ECD: variants seen among roughly 807,000 people sequenced by gnomAD.
ECD encodes protein ecdysoneless homolog.
Under a neutral mutation model 77.2 loss-of-function variants are expected in ECD, and 59 were observed. The ratio of observed to expected loss-of-function variants is 0.76; its 90% CI spans 0.62 to 0.95. ECD has a LOEUF of 0.95. ECD is among the 40% of genes least tolerant of loss of function. The pLI is 0.00. For synonymous variants in ECD, 233 were observed against 267.4 expected, an observed-to-expected ratio of 0.87 and a Z score of 1.26; for missense variants, 704 against 763.4, an observed-to-expected ratio of 0.92 and a Z score of 0.92.
At chr10:73,162,072 T>C (rs1843387682) in intron 2 of ECD, among the ~76,000 whole-genome samples, 1 of 152,232 alleles carries the variant, frequency 6.6e-6, no homozygotes. Flanking sequence ...TTTTTGTCTA[T>C]ATTAGACTTT....
chr10:73,155,617 G>C, intron 5 of ECD, among the ~76,000 whole-genome samples: 1 of 45,656 alleles, frequency 2.2e-5, no homozygotes, highest in Admixed American at 2.8e-4. Flanking sequence ...TTTTTTTTTT[G>C]AGATGGAGTT....
At chr10:73,139,284 A>ATATT in intron 11 of ECD, 25 bp downstream of exon 11, 1 of 1,567,814 alleles carries the variant, frequency 6.4e-7, no homozygotes, top group Non-Finnish European at 8.6e-7. Context: ...AGCTATTTAT[A>ATATT]TATTTATACT....
chr10:73,161,156 C>T (rs1589122117), intron 2 of ECD, among the ~76,000 whole-genome samples: 1 of 146,800 alleles, frequency 6.8e-6, no homozygotes, highest in Admixed American at 6.7e-5. Flanking sequence ...AATCAACAAC[C>T]TATACCTCAA....
At chr10:73,139,608 C>T (rs200280694) in intron 10 of ECD, 23 bp downstream of exon 10, 75 of 1,590,436 alleles carry the variant, frequency 4.7e-5, no homozygotes, top group Admixed American at 2.2e-4. Flanking sequence ...AACCCTTCCA[C>T]TGTATCCTGG....
At chr10:73,139,216 C>CA (rs60066016) in intron 11 of ECD, 93 bp downstream of exon 11, 145,610 of 1,044,976 alleles carry the variant, frequency 0.14, 14 homozygotes, top group Non-Finnish European at 0.16. Flanking sequence ...CTCATTTACT[C>CA]AAAAAAAAAA....
intron 5 of ECD, among the ~76,000 whole-genome samples, chr10:73,154,913 G>A (rs762334972): frequency 7.2e-5 from 11 of 151,794 alleles, no homozygotes; most frequent in Non-Finnish European, 1.3e-4. Flanking sequence ...CAGCCTGGGC[G>A]ACAAGAGCAA....
At chr10:73,135,341 C>T (rs1199466196) in intron 13 of ECD, among the ~76,000 whole-genome samples, 1 of 152,172 alleles carries the variant, frequency 6.6e-6, no homozygotes, top group Non-Finnish European at 1.5e-5. Flanking sequence ...TGAAAGATTA[C>T]AGCTCGATAG....
At chr10:73,147,562 AAT>A (rs1843146130) in intron 8 of ECD, among the ~76,000 whole-genome samples, 1 of 152,132 alleles carries the variant, frequency 6.6e-6, no homozygotes, top group Non-Finnish European at 1.5e-5. Context: ...AAAAAAAAAA[AAT>A]ACCATATATA....
intron 3 of ECD, among the ~76,000 whole-genome samples, chr10:73,158,649 T>C (rs1417850760): frequency 6.6e-6 from 1 of 151,988 alleles, no homozygotes; most frequent in Non-Finnish European, 1.5e-5. Context: ...GGTAAGAGAA[T>C]TGCTTGAGCC....
chr10:73,157,869 T>C (rs891847953), intron 3 of ECD, among the ~76,000 whole-genome samples: 3 of 152,044 alleles, frequency 2.0e-5, no homozygotes, highest in African/African-American at 4.8e-5. Context: ...ATACTTGTAT[T>C]TTCTCCCTTT....
rs1444313617 is a variant in ECD at position 73,152,424 on chromosome 10, G to A, written c.784-3C>T. ...TATAGACATTTAGTGAATGTGACCT[G>A]GGCATCAAGACACAAAATACATGAG... On this transcript the variant is annotated splice_polypyrimidine_tract_variant and splice_region_variant and intron_variant, in intron 6 of 13. Transcript: ENST00000372979. 10 of 1,610,032 alleles carry A rather than the reference G, an allele frequency of 6.2e-6. No individual in the cohort carries two copies. The highest frequency in any genetic ancestry group is 1.7e-5 in the Admixed American group (1 of 59,922).
chr10:73,137,962 A>G (rs1470654331), intron 12 of ECD, 41 bp downstream of exon 12: 3 of 1,470,156 alleles, frequency 2.0e-6, no homozygotes, highest in Non-Finnish European at 2.8e-6. Context: ...CCATACTACT[A>G]ACAGTTTCAA....
intron 10 of ECD, 45 bp downstream of exon 10, chr10:73,139,586 T>A (rs76482336): frequency 1.3e-6 from 1 of 742,830 alleles, no homozygotes; most frequent in Non-Finnish European, 1.9e-6. Flanking sequence ...AACATTTTAA[T>A]TTTTTTTTTT....
At chr10:73,156,857 G>C (rs535912019) in intron 3 of ECD, among the ~76,000 whole-genome samples, 1 of 151,946 alleles carries the variant, frequency 6.6e-6, no homozygotes, top group Non-Finnish European at 1.5e-5. Flanking sequence ...AGGAGTTGAA[G>C]GTAGATATGA....
At chr10:73,153,814 G>C (rs1589118829) in intron 6 of ECD, among the ~76,000 whole-genome samples, 1 of 151,820 alleles carries the variant, frequency 6.6e-6, no homozygotes, top group Non-Finnish European at 1.5e-5. Flanking sequence ...GTATAAAATG[G>C]GGAGGCAGGT....
At chr10:73,157,722 CA>C (rs199864779) in intron 3 of ECD, among the ~76,000 whole-genome samples, 148 of 140,576 alleles carry the variant, frequency 1.1e-3, no homozygotes, top group Non-Finnish European at 9.7e-4. Context: ...AACTCCATCT[CA>C]AAAAAAAAAA....
At chr10:73,145,195 C>T (rs1428436304) in intron 9 of ECD, among the ~76,000 whole-genome samples, 4 of 152,106 alleles carry the variant, frequency 2.6e-5, no homozygotes, top group East Asian at 1.9e-4. Context: ...GAAACCCCAT[C>T]TCTACTAAAA....
At chr10:73,136,955 AT>A (rs1369012033) in intron 12 of ECD, 37 bp from the exon 13 acceptor site, 1 of 630,254 alleles carries the variant, frequency 1.6e-6, no homozygotes, top group African/African-American at 3.8e-5. Flanking sequence ...CCACTTAGTA[AT>A]TATTATTATT....
Position 73,148,289 on chromosome 10 carries a change from T to C in ECD, c.1028A>G (p.Asn343Ser). ...WASFLESLKK[N>S]DYFKGLIEGS... The stretch of plus-strand genomic sequence containing the variant: ...TGCAAGTCCTACCTTAAAGTAATCA[T>C]TCTTTTTCAGACTTTCAAGGAAACT... The change falls in exon 8 of 14, where the codon AAT becomes AGT. Residue 343 changes from asparagine (N) to serine (S), a missense_variant. By Grantham distance (46) the Asn-to-Ser change is conservative (BLOSUM62 1). This residue lies in a region of ECD where 559 missense variants were observed against 583.7 expected (regional missense o/e 0.96). Coordinates refer to ENST00000372979, the MANE Select transcript of ECD (RefSeq NM_007265.3). The C allele has an allele frequency of 1.9e-6, 3 of 1,613,716 alleles. No individual in the cohort carries two copies. Among genetic ancestry groups the C allele is most frequent in the Non-Finnish European group, 2.5e-6 (3 of 1,179,782 alleles).
Sources: gnomAD v4.1 joint callset for allele counts (sites outside exome capture counted in the v4.1 genomes callset) on GRCh38, gnomAD v4.1.1 for gene constraint, gnomAD v4.1.1 regional missense constraint, MANE v1.5 for transcripts, NCBI Gene and HGNC (gene_info 2026-07-23, HGNC 2026-07-21) for gene names.